Variants in C1QTNF7 observed in about 807,000 individuals in gnomAD.
C1QTNF7 encodes complement C1q tumor necrosis factor-related protein 7.
Under a neutral mutation model 19.6 loss-of-function variants are expected in C1QTNF7, and 15 were observed. The ratio of observed to expected loss-of-function variants is 0.76; its 90% CI spans 0.51 to 1.18. C1QTNF7 has a LOEUF of 1.18. C1QTNF7 is among the 50% of genes most tolerant of loss of function. The pLI, the probability that C1QTNF7 is intolerant of heterozygous loss-of-function variation, is 0.00. For missense variants in C1QTNF7, 324 were observed against 359.7 expected (o/e 0.90, Z 0.80); for synonymous variants, 142 against 137.5 (o/e 1.03, Z -0.23).
At chr4:15,370,207 T>C (rs902726660) in intron 1 of C1QTNF7, among the ~76,000 whole-genome samples, 6 of 152,056 alleles carry the variant, frequency 3.9e-5, no homozygotes, top group African/African-American at 1.4e-4. Context: ...TATTTCTAAA[T>C]AAAAAATAAT....
rs779221284 is a variant in C1QTNF7, at chr4:15,442,867, G to C, written c.*68G>C. ...GGGTTCCAGAAGGTGGAACAAGCAG[G>C]AATGGGATCCAAAGAGACTCCCACT... On this transcript the variant is annotated 3_prime_UTR_variant, in exon 3 of 3. Transcript: ENST00000444304. 3.3e-5 allele frequency: 48 copies of C among 1,450,674 alleles called. No individual in the cohort carries two copies. Among genetic ancestry groups the C allele is most frequent in the Non-Finnish European group, 4.3e-5 (47 of 1,085,978 alleles). The allele number at this position is 1,450,674 out of a possible 1,614,324, so 89.9% of individuals were successfully genotyped here. A position where few individuals can be genotyped will look rare whatever the true frequency, so the allele number is the denominator to read the frequency against.
chr4:15,359,055 C>T (rs1717247739), intron 1 of C1QTNF7, among the ~76,000 whole-genome samples: 1 of 152,186 alleles, frequency 6.6e-6, no homozygotes. Context: ...CTCCTTTCCC[C>T]TTTCAGACAG....
chr4:15,349,908 GGT>G (rs1435728338), intron 1 of C1QTNF7, among the ~76,000 whole-genome samples: 2 of 151,922 alleles, frequency 1.3e-5, no homozygotes, highest in Non-Finnish European at 2.9e-5. Context: ...CTGTTGCTAG[GGT>G]GTTGCTAAAG....
intron 2 of C1QTNF7, among the ~76,000 whole-genome samples, chr4:15,437,782 G>A (rs142879491): frequency 8.5e-5 from 13 of 152,204 alleles, no homozygotes; most frequent in African/African-American, 2.2e-4. Context: ...ATTATTTACC[G>A]TGGAGTGACT....
At chr4:15,413,300 G>A (rs1474524804) in intron 1 of C1QTNF7, among the ~76,000 whole-genome samples, 1 of 152,158 alleles carries the variant, frequency 6.6e-6, no homozygotes, top group African/African-American at 2.4e-5. Flanking sequence ...CTTGTCTGTT[G>A]CTGACTGCTA....
intron 1 of C1QTNF7, among the ~76,000 whole-genome samples, chr4:15,407,465 C>A (rs182841910): frequency 1.3e-5 from 2 of 152,210 alleles, no homozygotes; most frequent in Non-Finnish European, 2.9e-5. Context: ...TTTACCTGCA[C>A]TGATGTTAGC....
chr4:15,443,667 T>A lies in C1QTNF7; in HGVS notation c.*868T>A, dbSNP rs1712880091. 6.6e-6 allele frequency: 1 copy of A among 152,058 alleles called. No individual in the cohort carries two copies. The highest frequency in any genetic ancestry group is 1.5e-5 in the Non-Finnish European group (1 of 68,028). The allele number at this position is 152,058 out of a possible 1,614,324, so 9.4% of individuals were successfully genotyped here. On this transcript the variant is annotated 3_prime_UTR_variant, in exon 3 of 3. Transcript: ENST00000444304. ...ATTGGTATTCTCAACAGCAAAGGGG[T>A]GAAAAATCTAGAGACAGAGGAGGCC...
In C1QTNF7 at chr4:15,435,978, G is replaced by A; in HGVS notation, c.235G>A (p.Ala79Thr). The A allele has an allele frequency of 6.2e-7, 1 of 1,612,200 alleles. No homozygotes were observed. The part of the protein sequence containing the change: ...RKGEKGEKGT[A>T]GLRGKTGPLG... ...AGGAGAGAAAGGTGAAAAGGGAACT[G>A]CAGGTAATGAATGAGAAGTTGCATA... The change falls in exon 2 of 3, where the codon GCA becomes ACA. Residue 79 changes from alanine (A) to threonine (T), a missense_variant. Coordinates refer to ENST00000444304, the MANE Select transcript of C1QTNF7 (RefSeq NM_031911.5).
intron 1 of C1QTNF7, among the ~76,000 whole-genome samples, chr4:15,376,815 T>C (rs963266848): frequency 6.6e-6 from 1 of 152,250 alleles, no homozygotes; most frequent in East Asian, 1.9e-4. Flanking sequence ...ACTGTGATGA[T>C]TTCAGACGAG....
chr4:15,361,466 G>C (rs751781478), intron 1 of C1QTNF7, among the ~76,000 whole-genome samples: 1 of 151,936 alleles, frequency 6.6e-6, no homozygotes, highest in African/African-American at 2.4e-5. Context: ...CACATTAATC[G>C]CTTACATTGC....
At chr4:15,407,098 G>T (rs1016784441) in intron 1 of C1QTNF7, among the ~76,000 whole-genome samples, 3 of 152,146 alleles carry the variant, frequency 2.0e-5, no homozygotes, top group African/African-American at 7.2e-5. Context: ...GAGACCAAGC[G>T]GCTCTTAATT....
At chr4:15,380,971 G>T (rs1024425107) in intron 1 of C1QTNF7, among the ~76,000 whole-genome samples, 1 of 151,994 alleles carries the variant, frequency 6.6e-6, no homozygotes, top group African/African-American at 2.4e-5. Context: ...GGTAGAGGGA[G>T]AAGTGAATTG....
intron 1 of C1QTNF7, among the ~76,000 whole-genome samples, chr4:15,433,241 T>G (rs1029550043): frequency 5.3e-5 from 8 of 152,040 alleles, no homozygotes; most frequent in South Asian, 2.1e-4. Flanking sequence ...TCCTCTCAAA[T>G]TCCTGGGCTC....
upstream of C1QTNF7, among the ~76,000 whole-genome samples, chr4:15,424,401 T>A (rs1354376960): frequency 6.6e-6 from 1 of 152,236 alleles, no homozygotes; most frequent in African/African-American, 2.4e-5. Flanking sequence ...GATCCTCTCC[T>A]GGCTCCAATG....
At chr4:15,395,800 C>A (rs1396434682) in intron 1 of C1QTNF7, among the ~76,000 whole-genome samples, 1 of 152,144 alleles carries the variant, frequency 6.6e-6, no homozygotes, top group African/African-American at 2.4e-5. Context: ...ATATTAGTAT[C>A]ACCATTTTAC....
intron 1 of C1QTNF7, among the ~76,000 whole-genome samples, chr4:15,417,416 C>G (rs1719640019): frequency 6.6e-6 from 1 of 152,176 alleles, no homozygotes; most frequent in African/African-American, 2.4e-5. Flanking sequence ...ACTCATGAAA[C>G]ATGTGACTAT....
At chr4:15,357,427 G>A (rs1717184763) in intron 1 of C1QTNF7, among the ~76,000 whole-genome samples, 1 of 152,118 alleles carries the variant, frequency 6.6e-6, no homozygotes, top group African/African-American at 2.4e-5. Flanking sequence ...CATTATTTCT[G>A]AGGCCTCTGT....
chr4:15,353,862 A>G (rs1717025352), intron 1 of C1QTNF7, among the ~76,000 whole-genome samples: 1 of 152,192 alleles, frequency 6.6e-6, no homozygotes, highest in South Asian at 2.1e-4. Flanking sequence ...ATGTGTTTAA[A>G]TTAATGAACT....
chr4:15,435,897 C>T lies in C1QTNF7; in HGVS notation c.154C>T (p.Pro52Ser), dbSNP rs201991320. ...PPGPPGANGS[P>S]GPHGRIGLPG... is the part of the protein sequence containing the mutation. ...AGGGCCCCCTGGAGCAAATGGTTCC[C>T]CTGGGCCCCATGGTCGCATCGGCCT... Residue 52 changes from proline to serine, a missense_variant, in exon 2 of 3, where the codon CCT becomes TCT. By Grantham distance (74) the Pro-to-Ser change is moderately conservative (BLOSUM62 -1). Coordinates refer to ENST00000444304, the MANE Select transcript of C1QTNF7 (RefSeq NM_031911.5). 8.7e-6 allele frequency: 14 copies of T among 1,614,064 alleles called. No individual in the cohort carries two copies. The East Asian group carries it at 2.2e-4, about 26-fold the overall frequency.
Sources: allele counts gnomAD v4.1 joint callset (sites outside exome capture counted in the v4.1 genomes callset), GRCh38; gene constraint gnomAD v4.1.1; transcripts MANE v1.5; gene names NCBI Gene and HGNC (gene_info 2026-07-23, HGNC 2026-07-21).